AGO2: variants seen among roughly 807,000 people sequenced by gnomAD.
AGO2 encodes argonaute RISC catalytic component 2, also known as protein argonaute-2.
Under a neutral mutation model 102.3 loss-of-function variants are expected in AGO2, and 5 were observed. That is an observed-to-expected ratio of 0.05 (90% CI 0.03 to 0.10). The LOEUF is 0.10. Ranked by LOEUF, AGO2 falls within the 10% of genes least tolerant of loss-of-function variation. The pLI, the probability that AGO2 is intolerant of heterozygous loss-of-function variation, is 1.00. For synonymous variants in AGO2, 449 were observed against 473.1 expected (o/e 0.95, Z 0.66); for missense variants, 541 against 1,183.7 (o/e 0.46, Z 7.97).
At chr8:140,572,030 C>T (rs1241230155) in intron 3 of AGO2, 2 of 152,200 alleles carry the variant, frequency 1.3e-5, no homozygotes, top group Non-Finnish European at 2.9e-5. Flanking sequence ...CCGCGCCCGG[C>T]CTGTAAAGAT....
At chr8:140,594,817 G>A (rs1247451762) in intron 1 of AGO2, among the ~76,000 whole-genome samples, 1 of 147,918 alleles carries the variant, frequency 6.8e-6, no homozygotes, top group African/African-American at 2.5e-5. Context: ...TCGACGGAAA[G>A]AAAAAAACTG....
chr8:140,550,496 C>G (rs1328736347), intron 11 of AGO2, among the ~76,000 whole-genome samples: 1 of 152,226 alleles, frequency 6.6e-6, no homozygotes, highest in Non-Finnish European at 1.5e-5. Flanking sequence ...CCTAGAGGGC[C>G]TGGTACTCAC....
At chr8:140,578,256 G>A (rs774323910) in intron 2 of AGO2, among the ~76,000 whole-genome samples, 6 of 152,196 alleles carry the variant, frequency 3.9e-5, no homozygotes, top group Non-Finnish European at 8.8e-5. Flanking sequence ...ACATGACCAC[G>A]TATTTGGCAG....
intron 2 of AGO2, among the ~76,000 whole-genome samples, chr8:140,583,498 A>T (rs2073591400): frequency 6.6e-6 from 1 of 152,190 alleles, no homozygotes; most frequent in Admixed American, 6.5e-5. Context: ...AGTCTACCAC[A>T]CACCTAGGCC....
Position 140,626,013 on chromosome 8 carries a change from G to GC in AGO2, c.22+9471dup, listed in dbSNP as rs1168449900. ...CAGGGACCAAGGTGCGCCCAGCAAG[G>GC]CCCCCCTGCCCCAGTCACCAATAGG... On this transcript the variant is annotated intron_variant, in intron 1 of 18. Coordinates refer to ENST00000220592, the MANE Select transcript of AGO2 (RefSeq NM_012154.5). Among the ~76,000 whole-genome samples, 14 of 152,148 alleles carry GC rather than the reference G, an allele frequency of 9.2e-5. No homozygotes were observed. In the East Asian group the frequency reaches 2.7e-3, roughly 29 times the overall value.
In AGO2 at chr8:140,540,298, C is replaced by T. The variant is rs944191041; in HGVS notation, c.2035-844G>A. The stretch of plus-strand genomic sequence containing the variant: ...TGCCATCCCGCCTCCTGATCAAGGC[C>T]GGGGAGTTCCTAAGCTCCTGGGGCA... On this transcript the variant is annotated intron_variant, in intron 15 of 18. Transcript: ENST00000220592. The surrounding 1 kb of genome is among the most constrained non-coding windows in gnomAD (Gnocchi z 5.0). Among the ~76,000 whole-genome samples the T allele has an allele frequency of 2.0e-5, 3 of 152,078 alleles. No individual in the cohort carries two copies. Among genetic ancestry groups the T allele is most frequent in the East Asian group, 1.9e-4 (1 of 5,156 alleles).
intron 16 of AGO2, among the ~76,000 whole-genome samples, chr8:140,537,263 A>G (rs1286824195): frequency 6.6e-6 from 1 of 151,748 alleles, no homozygotes; most frequent in East Asian, 1.9e-4. Flanking sequence ...GGAAGATTCT[A>G]TCTAGCTATT....
At chr8:140,600,525 A>G (rs1588495504) in intron 1 of AGO2, among the ~76,000 whole-genome samples, 2 of 152,150 alleles carry the variant, frequency 1.3e-5, no homozygotes, top group Admixed American at 6.5e-5. Flanking sequence ...TACTACAAAT[A>G]CAAAATTAGC....
In AGO2 at chr8:140,526,771, C is replaced by T. The variant is rs980295435; in HGVS notation, c.*5273G>A. On this transcript the variant is annotated 3_prime_UTR_variant, in exon 19 of 19. Transcript: ENST00000220592. The surrounding 1 kb of genome is among the most constrained non-coding windows in gnomAD (Gnocchi z 5.2). ...CAAAACATACTGAAAGAAGCATAAG[C>T]GAGGGCACCGTAATGGCACTGGTGT... The T allele has an allele frequency of 3.3e-5, 5 of 152,030 alleles. No individual in the cohort carries two copies. The highest frequency in any genetic ancestry group is 1.2e-4 in the African/African-American group (5 of 41,388). The allele number at this position is 152,030 out of a possible 1,614,324, so 9.4% of individuals were successfully genotyped here.
chr8:140,636,557 G>T (rs1308436075), upstream of AGO2: 1 of 152,280 alleles, frequency 6.6e-6, no homozygotes, highest in Non-Finnish European at 1.5e-5. Flanking sequence ...TCACCCCGTG[G>T]CATCGGCTGT....
At chr8:140,583,567 G>A (rs1272017818) in intron 2 of AGO2, among the ~76,000 whole-genome samples, 1 of 152,156 alleles carries the variant, frequency 6.6e-6, no homozygotes, top group African/African-American at 2.4e-5. Flanking sequence ...ACCATGGTAA[G>A]GATGTGTACA....
chr8:140,544,196 G>A lies in AGO2; in HGVS notation c.1839+17C>T, dbSNP rs751342533. 6.4e-7 allele frequency: 1 copy of A among 1,570,616 alleles called. No homozygotes were observed. Among genetic ancestry groups the A allele is most frequent in the Admixed American group, 2.0e-5 (1 of 48,920 alleles). On this transcript the variant is annotated intron_variant, in intron 14 of 18. Transcript: ENST00000220592. ...ATGTTGTCAATGGAAGACCCATGGGGAAGCGCTGACACTCACGGCGGCAAT... is the reference window on the plus strand; with the variant it reads ...ATGTTGTCAATGGAAGACCCATGGGAAAGCGCTGACACTCACGGCGGCAAT...
chr8:140,595,949 T>TATATATA (rs376274543), intron 1 of AGO2, among the ~76,000 whole-genome samples: 89,087 of 113,546 alleles, frequency 0.78, 35,648 homozygotes, highest in Non-Finnish European at 0.84. Context: ...ATATATATTT[T>TATATATA]ATATATAATA....
intron 12 of AGO2, among the ~76,000 whole-genome samples, chr8:140,548,087 G>A (rs918925530): frequency 6.6e-6 from 1 of 152,194 alleles, no homozygotes; most frequent in South Asian, 2.1e-4. Context: ...AGGCCATGGC[G>A]GGCGGATCAG....
intron 1 of AGO2, 29 bp from the exon 2 acceptor site, chr8:140,585,340 CG>C (rs1481430358): frequency 3.1e-6 from 5 of 1,607,604 alleles, no homozygotes; most frequent in African/African-American, 1.3e-5. Context: ...CACCCATTAA[CG>C]GGGGAGCAGG....
chr8:140,549,101 C>G lies in AGO2; in HGVS notation c.1588+13G>C. On this transcript the variant is annotated intron_variant, in intron 12 of 18. Coordinates refer to ENST00000220592, the MANE Select transcript of AGO2 (RefSeq NM_012154.5). Reference sequence around the variant, plus strand: ...GACGGCTCCCCACAGCCAGCGGGAGCGCCCACACCTACCGTACACGGGCGT... The same window carrying G: ...GACGGCTCCCCACAGCCAGCGGGAGGGCCCACACCTACCGTACACGGGCGT... 6.3e-7 allele frequency: 1 copy of G among 1,584,236 alleles called. No individual in the cohort carries two copies. The highest frequency in any genetic ancestry group is 8.6e-7 in the Non-Finnish European group (1 of 1,162,192).
chr8:140,604,425 G>A (rs938568547), intron 1 of AGO2, among the ~76,000 whole-genome samples: 1 of 152,246 alleles, frequency 6.6e-6, no homozygotes, highest in Admixed American at 6.5e-5. Context: ...GGGCGCGGTG[G>A]CTCACGCCTG....
intron 1 of AGO2, among the ~76,000 whole-genome samples, chr8:140,608,835 T>C (rs1317100999): frequency 6.6e-6 from 1 of 152,182 alleles, no homozygotes; most frequent in Non-Finnish European, 1.5e-5. Context: ...AGCATCCTGG[T>C]AATGTCTGGA....
chr8:140,568,974 G>C (rs1051189757), intron 3 of AGO2, among the ~76,000 whole-genome samples: 1 of 152,182 alleles, frequency 6.6e-6, no homozygotes, highest in Non-Finnish European at 1.5e-5. Flanking sequence ...GCTCCCTGCC[G>C]CACACTGCCC....
Sources: gnomAD v4.1 joint callset for allele counts (sites outside exome capture counted in the v4.1 genomes callset) on GRCh38, gnomAD v4.1.1 for gene constraint, Gnocchi (gnomAD v3.1) non-coding constraint, MANE v1.5 for transcripts, NCBI Gene and HGNC (gene_info 2026-07-23, HGNC 2026-07-21) for gene names.